The following YTHDF3 variants were observed in gnomAD, a reference collection of about 807,000 sequenced individuals.
YTHDF3 encodes the protein YTH N6-methyladenosine RNA binding protein F3, also known as YTH domain-containing family protein 3.
In YTHDF3, 9 loss-of-function variants were observed where a neutral mutation model predicts 52.5. The observed-to-expected ratio is 0.17, with a 90% CI of 0.10 to 0.30. The LOEUF (loss-of-function observed/expected upper bound fraction) is 0.30, where lower values mean the gene tolerates loss of function less well. Among genes scored for constraint, YTHDF3 ranks in the 10% least tolerant of loss-of-function variants. YTHDF3 has a pLI of 1.00. For synonymous variants in YTHDF3, 274 were observed against 243.3 expected, an observed-to-expected ratio of 1.13 and a Z score of -1.18; for missense variants, 534 against 715.0, an observed-to-expected ratio of 0.75 and a Z score of 2.89.
chr8:63,188,039 C>G (rs1808645227), intron 4 of YTHDF3, among the ~76,000 whole-genome samples: 1 of 152,170 alleles, frequency 6.6e-6, no homozygotes, highest in South Asian at 2.1e-4. Context: ...GCATTTGTAA[C>G]TAAACAGACT....
Position 63,168,751 on chromosome 8 carries a change from C to T in YTHDF3, c.-127C>T. 4 of 1,540,526 alleles carry T rather than the reference C, an allele frequency of 2.6e-6. No homozygotes were observed. Among genetic ancestry groups the T allele is most frequent in the Non-Finnish European group, 2.6e-6 (3 of 1,141,182 alleles). ...GCGCGAGGCCCTCATTTTGGGTTCT[C>T]AGCGAACGGCGGCAGCGGCGGCGGC... On this transcript the variant is annotated 5_prime_UTR_variant, in exon 1 of 5. Coordinates refer to ENST00000539294, the MANE Select transcript of YTHDF3 (RefSeq NM_152758.6).
intron 4 of YTHDF3, among the ~76,000 whole-genome samples, chr8:63,192,424 A>G (rs1808972334): frequency 6.6e-6 from 1 of 152,198 alleles, no homozygotes; most frequent in Non-Finnish European, 1.5e-5. Flanking sequence ...TTACCAGTTA[A>G]GTGATTGACC....
chr8:63,190,847 A>C (rs555189649), intron 4 of YTHDF3, among the ~76,000 whole-genome samples: 1 of 152,272 alleles, frequency 6.6e-6, no homozygotes, highest in African/African-American at 2.4e-5. Context: ...TCTCCTTTAA[A>C]TTTAATTCAG....
intron 3 of YTHDF3, among the ~76,000 whole-genome samples, chr8:63,183,158 A>G (rs1402410531): frequency 3.9e-5 from 6 of 151,900 alleles, no homozygotes; most frequent in Non-Finnish European, 8.8e-5. Context: ...ATGGGGTTTC[A>G]CCATTTTGGC....
At chr8:63,178,187 A>G (rs1015670178) in intron 3 of YTHDF3, among the ~76,000 whole-genome samples, 2 of 152,194 alleles carry the variant, frequency 1.3e-5, no homozygotes, top group East Asian at 1.9e-4. Context: ...TGTCACAAGG[A>G]CATAGAAGGG....
In YTHDF3 at chr8:63,211,477, A is replaced by G. The variant is rs1052299538; in HGVS notation, c.*1771A>G. ...GGTATAGTCACCACAGCAATGTTCTACATCCCTAAGATTATCTAGGTAGGA... is the reference window on the plus strand; with the variant it reads ...GGTATAGTCACCACAGCAATGTTCTGCATCCCTAAGATTATCTAGGTAGGA... On this transcript the variant is annotated 3_prime_UTR_variant, in exon 5 of 5. Transcript: ENST00000539294. The G allele has an allele frequency of 4.6e-5, 7 of 152,668 alleles. No homozygotes were observed. Among genetic ancestry groups the G allele is most frequent in the African/African-American group, 1.4e-4 (6 of 41,566 alleles). 9.5% of individuals were successfully genotyped at this position (152,668 alleles called of 1,614,324 possible).
At chr8:63,180,079 C>G (rs1808002635) in intron 3 of YTHDF3, among the ~76,000 whole-genome samples, 1 of 151,572 alleles carries the variant, frequency 6.6e-6, no homozygotes, top group Non-Finnish European at 1.5e-5. Flanking sequence ...GGGCTGACCC[C>G]CCCCACCTCC....
intron 2 of YTHDF3, 64 bp from the exon 3 acceptor site, chr8:63,175,267 A>T: frequency 8.2e-7 from 1 of 1,216,862 alleles, no homozygotes; most frequent in Non-Finnish European, 1.2e-6. Flanking sequence ...TATTAAAAAC[A>T]TTAGGTTGTG....
rs200588648 is a variant in YTHDF3, at chr8:63,186,380, A to C, written c.369A>C (p.Gly123=). ...GNTPPFLGQH[G]FNFFPGNADF... is the part of the protein sequence containing the mutation. ...CCCCTCCATTTCTTGGTCAACATGGATTTAACTTTTTTCCTGGTAATGCTG... is the reference window on the plus strand; with the variant it reads ...CCCCTCCATTTCTTGGTCAACATGGCTTTAACTTTTTTCCTGGTAATGCTG... The change falls in exon 4 of 5, where the codon GGA becomes GGC. Residue 123 remains glycine (G), a synonymous_variant. Transcript: ENST00000539294. 6.2e-7 allele frequency: 1 copy of C among 1,613,882 alleles called. No individual in the cohort carries two copies. Among genetic ancestry groups the C allele is most frequent in the African/African-American group, 1.3e-5 (1 of 74,916 alleles).
Position 63,168,706 on chromosome 8 carries a change from C to A in YTHDF3, c.-172C>A, listed in dbSNP as rs987828048. 3 of 1,273,576 alleles carry A rather than the reference C, an allele frequency of 2.4e-6. No homozygotes were observed. Among genetic ancestry groups the A allele is most frequent in the South Asian group, 1.3e-5 (1 of 74,864 alleles). 78.9% of individuals were successfully genotyped at this position (1,273,576 alleles called of 1,614,324 possible). ...GGAGCGTGCAAGCGGAAAAGACGGG[C>A]CTCTTCCTCCGACTCCCGAGCGCGA... On this transcript the variant is annotated 5_prime_UTR_variant, in exon 1 of 5. Coordinates refer to ENST00000539294, the MANE Select transcript of YTHDF3 (RefSeq NM_152758.6).
intron 4 of YTHDF3, among the ~76,000 whole-genome samples, 153 bp downstream of exon 4, chr8:63,187,898 A>C (rs192628117): frequency 6.6e-6 from 1 of 152,286 alleles, no homozygotes; most frequent in African/African-American, 2.4e-5. Flanking sequence ...TGTGTGTCCT[A>C]TATGAACCAT....
chr8:63,193,680 A>T (rs1809059315), intron 4 of YTHDF3, among the ~76,000 whole-genome samples: 1 of 152,160 alleles, frequency 6.6e-6, no homozygotes, highest in South Asian at 2.1e-4. Flanking sequence ...ATAGTCAAAG[A>T]TGTGAATAGG....
chr8:63,209,042 AT>A (rs1172212651), intron 4 of YTHDF3, among the ~76,000 whole-genome samples: 6 of 151,672 alleles, frequency 4.0e-5, no homozygotes, highest in African/African-American at 1.5e-4. Context: ...TAATTTTTGT[AT>A]TTTTAGTAGA....
At chr8:63,209,510 TAATC>T (rs1810251310) in intron 4 of YTHDF3, among the ~76,000 whole-genome samples, 169 bp from the exon 5 acceptor site, 1 of 152,244 alleles carries the variant, frequency 6.6e-6, no homozygotes, top group African/African-American at 2.4e-5. Flanking sequence ...TTTGTGGTAA[TAATC>T]TCACTATGGT....
chr8:63,178,632 A>T (rs1291321862), intron 3 of YTHDF3, among the ~76,000 whole-genome samples: 1 of 152,216 alleles, frequency 6.6e-6, no homozygotes, highest in Non-Finnish European at 1.5e-5. Context: ...TACTAAATAG[A>T]TTTTCAGCAG....
intron 4 of YTHDF3, among the ~76,000 whole-genome samples, chr8:63,205,939 T>C (rs1809999544): frequency 6.6e-6 from 1 of 152,194 alleles, no homozygotes; most frequent in Non-Finnish European, 1.5e-5. Flanking sequence ...TGATGGACTT[T>C]TTACCATGCA....
In YTHDF3 at chr8:63,212,408, G is replaced by T. The variant is rs1810413601; in HGVS notation, c.*2702G>T. On this transcript the variant is annotated 3_prime_UTR_variant, in exon 5 of 5. Coordinates refer to ENST00000539294, the MANE Select transcript of YTHDF3 (RefSeq NM_152758.6). ...TTCTTTTTGAATACCGTGCATGGGG[G>T]TTAAGCTGATGTTAAAACAGTTTGC... The T allele has an allele frequency of 6.6e-6, 1 of 151,642 alleles. No homozygotes were observed. Among genetic ancestry groups the T allele is most frequent in the African/African-American group, 2.4e-5 (1 of 40,898 alleles). 9.4% of individuals were successfully genotyped at this position (151,642 alleles called of 1,614,324 possible).
intron 3 of YTHDF3, among the ~76,000 whole-genome samples, chr8:63,176,759 C>T (rs924055638): frequency 6.6e-6 from 1 of 151,854 alleles, no homozygotes; most frequent in African/African-American, 2.4e-5. Flanking sequence ...CTCACTCCAA[C>T]CTCTGCCTCC....
At chr8:63,194,250 G>A (rs1809095854) in intron 4 of YTHDF3, among the ~76,000 whole-genome samples, 1 of 152,206 alleles carries the variant, frequency 6.6e-6, no homozygotes, top group Admixed American at 6.5e-5. Context: ...TCGGGAGGCC[G>A]ATGCAGGAGG....
Sources: gnomAD v4.1 joint callset for allele counts (sites outside exome capture counted in the v4.1 genomes callset) on GRCh38, gnomAD v4.1.1 for gene constraint, MANE v1.5 for transcripts, NCBI Gene and HGNC (gene_info 2026-07-23, HGNC 2026-07-21) for gene names.